The following TMEM161B variants were observed in gnomAD, a reference collection of about 807,000 sequenced individuals.
TMEM161B encodes transmembrane protein 161B.
A neutral mutation model predicts 61.8 loss-of-function variants in TMEM161B; 34 were observed. The ratio of observed to expected loss-of-function variants is 0.55; its 90% CI spans 0.42 to 0.73. The LOEUF is 0.73. Among genes scored for constraint, TMEM161B ranks in the 30% least tolerant of loss-of-function variants. The pLI, the probability that TMEM161B is intolerant of heterozygous loss-of-function variation, is 0.00. For synonymous variants in TMEM161B, 167 were observed against 192.8 expected (o/e 0.87, Z 1.11); for missense variants, 456 against 558.5 (o/e 0.82, Z 1.85).
At chr5:88,259,006 A>G (rs1755348500) in intron 1 of TMEM161B, among the ~76,000 whole-genome samples, 1 of 152,222 alleles carries the variant, frequency 6.6e-6, no homozygotes, top group Admixed American at 6.5e-5. Flanking sequence ...ATCTATAATC[A>G]TACATTTATA....
intron 5 of TMEM161B, among the ~76,000 whole-genome samples, chr5:88,207,822 T>C (rs917540716): frequency 1.3e-5 from 2 of 152,204 alleles, no homozygotes; most frequent in African/African-American, 4.8e-5. Context: ...ATTTCCATTA[T>C]ACACCAAATT....
At chr5:88,239,248 G>T (rs1019429483) in intron 2 of TMEM161B, among the ~76,000 whole-genome samples, 2 of 151,966 alleles carry the variant, frequency 1.3e-5, no homozygotes, top group Non-Finnish European at 2.9e-5. Context: ...AGATGAAAAT[G>T]CATGTACACT....
At chr5:88,202,118 A>G (rs1036822049) in intron 9 of TMEM161B, 3 of 453,868 alleles carry the variant, frequency 6.6e-6, no homozygotes, top group Non-Finnish European at 1.3e-5. Context: ...TATTATCTTC[A>G]TCTTCCAGAT....
intron 1 of TMEM161B, among the ~76,000 whole-genome samples, chr5:88,266,684 A>G (rs1270233147): frequency 6.6e-6 from 1 of 152,170 alleles, no homozygotes; most frequent in Non-Finnish European, 1.5e-5. Context: ...AATGCAAAAC[A>G]AGTTCTGATT....
At chr5:88,216,479 C>A (rs1453755808) in intron 5 of TMEM161B, among the ~76,000 whole-genome samples, 1 of 152,174 alleles carries the variant, frequency 6.6e-6, no homozygotes, top group Non-Finnish European at 1.5e-5. Flanking sequence ...AATTTAAAAT[C>A]TGCTCTTGGA....
At chr5:88,257,114 C>A (rs1755083846) in intron 1 of TMEM161B, among the ~76,000 whole-genome samples, 1 of 151,998 alleles carries the variant, frequency 6.6e-6, no homozygotes, top group Admixed American at 6.6e-5. Context: ...AGTAAAAATA[C>A]AAAAATTAGC....
At position 88,195,188 on chromosome 5, in the gene TMEM161B, A is replaced by G. The variant is rs1194672605; in HGVS notation, c.*1023T>C. On this transcript the variant is annotated 3_prime_UTR_variant, in exon 12 of 12. Coordinates refer to ENST00000296595, the MANE Select transcript of TMEM161B (RefSeq NM_153354.5). ...ATACACTCACACATAGGCAACACAAATAAATTGCTTACTCTGCTGAACTTT... is the reference window on the plus strand; with the variant it reads ...ATACACTCACACATAGGCAACACAAGTAAATTGCTTACTCTGCTGAACTTT... The G allele has an allele frequency of 2.0e-6, 2 of 984,886 alleles. No homozygotes were observed. Among genetic ancestry groups the G allele is most frequent in the African/African-American group, 3.5e-5 (2 of 57,194 alleles). 61.0% of individuals were successfully genotyped at this position (984,886 alleles called of 1,614,324 possible). A position where few individuals can be genotyped will look rare whatever the true frequency, so the allele number is the denominator to read the frequency against.
At chr5:88,258,671 C>A (rs1580729923) in intron 1 of TMEM161B, among the ~76,000 whole-genome samples, 1 of 152,126 alleles carries the variant, frequency 6.6e-6, no homozygotes, top group South Asian at 2.1e-4. Flanking sequence ...CAATAATAAT[C>A]AAGTTAATGA....
chr5:88,208,033 TAAAC>T lies in TMEM161B; in HGVS notation c.447-857_447-854del, dbSNP rs200902476. On this transcript the variant is annotated intron_variant, in intron 5 of 11. Coordinates refer to ENST00000296595, the MANE Select transcript of TMEM161B (RefSeq NM_153354.5). ...TACTTTACAGACATTTTAAAAAACT[TAAAC>T]AAACAAACAAACAAACAAAAAACAA... Among the ~76,000 whole-genome samples the T allele has an allele frequency of 6.4e-3, 969 of 151,754 alleles. 18 individuals carry two copies. The highest frequency in any genetic ancestry group is 0.022 in the African/African-American group (896 of 41,410).
intron 8 of TMEM161B, 183 bp downstream of exon 8, chr5:88,205,631 C>A: frequency 3.5e-6 from 2 of 578,480 alleles, no homozygotes; most frequent in Non-Finnish European, 5.6e-6. Flanking sequence ...TTTTTAAATA[C>A]AAGACTTAAA....
At chr5:88,237,110 T>C (rs1751978440) in intron 2 of TMEM161B, among the ~76,000 whole-genome samples, 1 of 152,142 alleles carries the variant, frequency 6.6e-6, no homozygotes, top group Non-Finnish European at 1.5e-5. Flanking sequence ...ACTGAGTAAA[T>C]CATTTAAAAC....
At chr5:88,264,600 T>C (rs546886790) in intron 1 of TMEM161B, among the ~76,000 whole-genome samples, 1 of 152,338 alleles carries the variant, frequency 6.6e-6, no homozygotes, top group African/African-American at 2.4e-5. Context: ...CCCAAAGGAC[T>C]ATAAATCATT....
chr5:88,248,598 C>G (rs1005991312), intron 1 of TMEM161B, among the ~76,000 whole-genome samples: 1 of 151,394 alleles, frequency 6.6e-6, no homozygotes, highest in Non-Finnish European at 1.5e-5. Flanking sequence ...TGTGGTACCT[C>G]TGTTTTTCCC....
At chr5:88,206,155 C>A (rs958968126) in intron 7 of TMEM161B, among the ~76,000 whole-genome samples, 1 of 152,050 alleles carries the variant, frequency 6.6e-6, no homozygotes, top group Admixed American at 6.5e-5. Context: ...TAGTCATAGT[C>A]ACAGCAACCT....
At chr5:88,268,003 G>A (rs112893123) in intron 1 of TMEM161B, among the ~76,000 whole-genome samples, 8 of 152,030 alleles carry the variant, frequency 5.3e-5, no homozygotes, top group African/African-American at 1.7e-4. Flanking sequence ...GGTTACTGCC[G>A]GATCATACCC....
downstream of TMEM161B, among the ~76,000 whole-genome samples, chr5:88,188,654 A>G (rs976823952): frequency 6.6e-6 from 1 of 152,172 alleles, no homozygotes; most frequent in African/African-American, 2.4e-5. Context: ...AACTCCTCAG[A>G]CACTGGATTA....
chr5:88,213,384 T>C (rs866707735), intron 5 of TMEM161B, among the ~76,000 whole-genome samples: 2 of 152,048 alleles, frequency 1.3e-5, no homozygotes, highest in Non-Finnish European at 1.5e-5. Flanking sequence ...TTCCATTACT[T>C]TAATTACAGA....
At chr5:88,188,834 G>C (rs1748529105), downstream of TMEM161B, among the ~76,000 whole-genome samples, 1 of 152,166 alleles carries the variant, frequency 6.6e-6, no homozygotes, top group Non-Finnish European at 1.5e-5. Context: ...GTTGGGGGGG[G>C]TGGTTAATCT....
chr5:88,207,492 C>A (rs1745747189), intron 5 of TMEM161B, among the ~76,000 whole-genome samples: 1 of 152,098 alleles, frequency 6.6e-6, no homozygotes, highest in Admixed American at 6.5e-5. Flanking sequence ...GTCTGTTAAA[C>A]CAGTTTACAT....
Sources: allele counts gnomAD v4.1 joint callset (sites outside exome capture counted in the v4.1 genomes callset), GRCh38; gene constraint gnomAD v4.1.1; transcripts MANE v1.5; gene names NCBI Gene and HGNC (gene_info 2026-07-23, HGNC 2026-07-21).